Variants in MTA3 observed in about 807,000 individuals in gnomAD.
MTA3 encodes the protein metastasis-associated protein MTA3.
MTA3 carries 34 observed loss-of-function variants against 83.5 expected under a neutral mutation model. That is an observed-to-expected ratio of 0.41 (90% CI 0.31 to 0.54). The LOEUF (loss-of-function observed/expected upper bound fraction) is 0.54. Ranked by LOEUF, MTA3 falls within the 20% of genes least tolerant of loss-of-function variation. The pLI is 0.33. For synonymous variants in MTA3, 303 were observed against 252.7 expected, an observed-to-expected ratio of 1.20 and a Z score of -1.89; for missense variants, 761 against 726.4, an observed-to-expected ratio of 1.05 and a Z score of -0.55.
At chr2:42,735,169 A>G (rs1668518531) in intron 16 of MTA3, among the ~76,000 whole-genome samples, 1 of 152,044 alleles carries the variant, frequency 6.6e-6, no homozygotes, top group Non-Finnish European at 1.5e-5. Context: ...GACATTTTTT[A>G]GCTTTTGTTT....
chr2:42,634,277 A>G (rs1195229465), intron 4 of MTA3, among the ~76,000 whole-genome samples: 2 of 152,162 alleles, frequency 1.3e-5, no homozygotes, highest in Non-Finnish European at 2.9e-5. Context: ...TTAATTAGGT[A>G]TTTTAATTAG....
chr2:42,627,838 A>G (rs1686267265), intron 4 of MTA3, among the ~76,000 whole-genome samples: 1 of 150,214 alleles, frequency 6.7e-6, no homozygotes, highest in East Asian at 2.0e-4. Flanking sequence ...TGGGCCTTCC[A>G]AAGTGCTGGG....
chr2:42,563,786 T>TCCTC (rs1475755802), upstream of MTA3, among the ~76,000 whole-genome samples: 1 of 142,074 alleles, frequency 7.0e-6, no homozygotes, highest in African/African-American at 2.7e-5. Flanking sequence ...ATTCCTTCCT[T>TCCTC]CCTTCCTTCC....
At chr2:42,695,715 A>G in intron 9 of MTA3, 50 bp from the exon 10 acceptor site, 3 of 1,086,582 alleles carry the variant, frequency 2.8e-6, no homozygotes, top group Non-Finnish European at 3.9e-6. Context: ...TTTTCATCTC[A>G]TTTTATTATA....
chr2:42,579,419 A>G (rs1005643130), intron 3 of MTA3, among the ~76,000 whole-genome samples: 1 of 67,964 alleles, frequency 1.5e-5, no homozygotes, highest in African/African-American at 5.6e-5. Context: ...TTATATCTAT[A>G]TATATATATA....
At chr2:42,692,132 A>G (rs920981160) in intron 9 of MTA3, among the ~76,000 whole-genome samples, 1 of 152,148 alleles carries the variant, frequency 6.6e-6, no homozygotes, top group African/African-American at 2.4e-5. Context: ...TCTAGATCCT[A>G]TAAGCAGGCT....
chr2:42,546,896 T>C (rs1043587684), intron 2 of MTA3, among the ~76,000 whole-genome samples: 1 of 152,144 alleles, frequency 6.6e-6, no homozygotes, highest in Non-Finnish European at 1.5e-5. Flanking sequence ...CAAATAACGA[T>C]ACAATGTGGC....
At chr2:42,654,549 T>C (rs539047968) in intron 6 of MTA3, among the ~76,000 whole-genome samples, 1 of 152,346 alleles carries the variant, frequency 6.6e-6, no homozygotes, top group East Asian at 1.9e-4. Context: ...TGTTCAATAG[T>C]TATCCCTTTG....
At chr2:42,634,647 C>T (rs995835203) in intron 4 of MTA3, among the ~76,000 whole-genome samples, 1 of 152,090 alleles carries the variant, frequency 6.6e-6, no homozygotes, top group Non-Finnish European at 1.5e-5. Context: ...CATATCACCC[C>T]CTTTCATTTT....
intron 2 of MTA3, among the ~76,000 whole-genome samples, chr2:42,507,954 A>G (rs1212927726): frequency 1.3e-5 from 2 of 151,822 alleles, no homozygotes; most frequent in African/African-American, 4.8e-5. Context: ...AAAAAAAAAA[A>G]AAAGAAAGAA....
At chr2:42,516,870 G>A (rs930175635) in intron 2 of MTA3, among the ~76,000 whole-genome samples, 4 of 152,278 alleles carry the variant, frequency 2.6e-5, no homozygotes, top group Middle Eastern at 3.4e-3. Flanking sequence ...CATGCCTGTC[G>A]TCACAGCACT....
intron 2 of MTA3, among the ~76,000 whole-genome samples, chr2:42,550,759 G>T (rs965483682): frequency 3.3e-5 from 5 of 152,066 alleles, no homozygotes; most frequent in Non-Finnish European, 7.4e-5. Flanking sequence ...TCATGATAGA[G>T]GGCCAGGCAC....
chr2:42,545,357 G>A (rs1370386472), intron 2 of MTA3, among the ~76,000 whole-genome samples: 2 of 151,994 alleles, frequency 1.3e-5, no homozygotes, highest in Non-Finnish European at 2.9e-5. Context: ...CAGCCTGAGC[G>A]ACAGAGAGAA....
intron 6 of MTA3, among the ~76,000 whole-genome samples, chr2:42,646,931 C>T (rs1005506601): frequency 9.2e-5 from 14 of 151,832 alleles, no homozygotes; most frequent in African/African-American, 3.1e-4. Context: ...TCGAGGCAGG[C>T]GGATCACGAG....
At chr2:42,592,200 T>C (rs2103943486) in intron 3 of MTA3, among the ~76,000 whole-genome samples, 1 of 152,180 alleles carries the variant, frequency 6.6e-6, no homozygotes, top group South Asian at 2.1e-4. Context: ...AGGCAGAGGT[T>C]GCAGTGAGCT....
chr2:42,610,149 C>T (rs183657600), intron 4 of MTA3, among the ~76,000 whole-genome samples: 1 of 152,150 alleles, frequency 6.6e-6, no homozygotes, highest in East Asian at 1.9e-4. Flanking sequence ...GGGCCTTTCC[C>T]GATTGATTTG....
At chr2:42,642,786 AGG>A (rs1687810956) in intron 5 of MTA3, among the ~76,000 whole-genome samples, 1 of 10,482 alleles carries the variant, frequency 9.5e-5, no homozygotes, top group Admixed American at 1.5e-3. Context: ...CTGGGATTAC[AGG>A]TGCCTGCCAC....
In MTA3 at chr2:42,506,761, C is replaced by T. The variant is rs574128831; in HGVS notation, c.-141+11507C>T. 2.6e-5 allele frequency among the ~76,000 whole-genome samples: 4 copies of T among 152,088 alleles called. No homozygotes were observed. In the South Asian group the frequency reaches 6.2e-4, roughly 24 times the overall value. ...TAGCTGGGACTACAGGCACAGACCA[C>T]CACACCCAGCTAATTTTTGTAAATT... On this transcript the variant is annotated intron_variant, in intron 2 of 17. Transcript: ENST00000405592.
At chr2:42,553,340 C>T (rs1354690273) in intron 2 of MTA3, among the ~76,000 whole-genome samples, 1 of 149,988 alleles carries the variant, frequency 6.7e-6, no homozygotes, top group Non-Finnish European at 1.5e-5. Flanking sequence ...AGGAGAATGG[C>T]GTGAACCCTG....
Sources: allele counts gnomAD v4.1 joint callset (sites outside exome capture counted in the v4.1 genomes callset), GRCh38; gene constraint gnomAD v4.1.1; transcripts MANE v1.5; gene names NCBI Gene and HGNC (gene_info 2026-07-23, HGNC 2026-07-21).